The following UMAD1 variants were observed in gnomAD, a reference collection of about 807,000 sequenced individuals.
The protein encoded by UMAD1 is UBAP1-MVB12-associated (UMA)-domain containing protein 1.
In UMAD1, 8 loss-of-function variants were observed where a neutral mutation model predicts 6.1. The ratio of observed to expected loss-of-function variants is 1.30; its 90% confidence interval spans 0.76 to 2.35. UMAD1 has a LOEUF of 2.35. Ranked by LOEUF, UMAD1 falls within the 30% of genes most tolerant of loss-of-function variation. The pLI is 0.00. For missense variants in UMAD1, 130 were observed against 78.4 expected, an observed-to-expected ratio of 1.66 and a Z score of -2.49; for synonymous variants, 56 against 31.4, an observed-to-expected ratio of 1.78 and a Z score of -2.61.
intron 3 of UMAD1, among the ~76,000 whole-genome samples, chr7:7,824,296 A>AT (rs1326439848): frequency 2.0e-5 from 3 of 152,178 alleles, no homozygotes; most frequent in Admixed American, 1.3e-4. Context: ...TTAGCATGGC[A>AT]TCCAGCACCC....
At chr7:7,758,603 C>G (rs1781826905) in intron 2 of UMAD1, among the ~76,000 whole-genome samples, 2 of 152,154 alleles carry the variant, frequency 1.3e-5, no homozygotes, top group African/African-American at 4.8e-5. Context: ...TATACTTTTA[C>G]CATATATGGT....
intron 2 of UMAD1, among the ~76,000 whole-genome samples, chr7:7,710,674 G>A (rs918924499): frequency 6.6e-6 from 1 of 152,140 alleles, no homozygotes; most frequent in Admixed American, 6.5e-5. Flanking sequence ...GTTACTATAC[G>A]ACTCAGCAAT....
intron 2 of UMAD1, among the ~76,000 whole-genome samples, chr7:7,731,977 G>A (rs1352878581): frequency 6.6e-6 from 1 of 151,998 alleles, no homozygotes; most frequent in African/African-American, 2.4e-5. Flanking sequence ...CAGTAAGAGG[G>A]TCCACCTTAG....
chr7:7,790,938 T>A (rs1782556246), intron 2 of UMAD1, among the ~76,000 whole-genome samples: 1 of 152,230 alleles, frequency 6.6e-6, no homozygotes, highest in South Asian at 2.1e-4. Flanking sequence ...CTGTCCAGGC[T>A]GGGGTGCAAT....
chr7:7,816,866 T>A (rs1783138617), intron 3 of UMAD1, among the ~76,000 whole-genome samples: 1 of 152,220 alleles, frequency 6.6e-6, no homozygotes, highest in South Asian at 2.1e-4. Context: ...TAATAGCCCT[T>A]AATGCCCAGT....
Position 7,871,570 on chromosome 7 carries a change from A to G in UMAD1, c.157-5711A>G, listed in dbSNP as rs141123486. Among the ~76,000 whole-genome samples, 898 of 152,348 alleles carry G rather than the reference A, an allele frequency of 5.9e-3. 4 individuals are homozygous for G. The highest frequency in any genetic ancestry group is 0.01 in the Middle Eastern group (3 of 294). ...AAATACATTTAAACAGCTTAGATAC[A>G]GCCTGACACAGTGTTCCGTATATGC... On this transcript the variant is annotated intron_variant, in intron 3 of 3. Coordinates refer to ENST00000682710, the MANE Select transcript of UMAD1 (RefSeq NM_001302348.2).
intron 3 of UMAD1, among the ~76,000 whole-genome samples, chr7:7,864,712 A>G (rs1258500396): frequency 6.6e-6 from 1 of 151,752 alleles, no homozygotes; most frequent in Non-Finnish European, 1.5e-5. Flanking sequence ...AATAAAAACA[A>G]TGTTATCTGA....
rs28916014 is a variant in UMAD1, at chr7:7,667,632, A to G, written c.-63-5677A>G. ...AAGTATGAAGTAAGTGAAGGTCTTC[A>G]TAGATGTTGTGCAGGTAGTAAATGT... On this transcript the variant is annotated intron_variant, in intron 1 of 3. Transcript: ENST00000682710. Among the ~76,000 whole-genome samples the G allele has an allele frequency of 5.6e-4, 86 of 152,320 alleles. 2 individuals carry two copies. In the East Asian group the frequency reaches 0.016, roughly 28 times the overall value.
chr7:7,676,985 A>G (rs980505143), intron 2 of UMAD1, among the ~76,000 whole-genome samples: 2 of 152,286 alleles, frequency 1.3e-5, no homozygotes, highest in South Asian at 2.1e-4. Context: ...GTCTCAGAGC[A>G]TACTGTATAA....
intron 2 of UMAD1, among the ~76,000 whole-genome samples, chr7:7,760,437 A>G (rs1261462401): frequency 1.3e-5 from 2 of 148,554 alleles, no homozygotes; most frequent in Non-Finnish European, 3.0e-5. Context: ...TAATAATAAT[A>G]ATAATAATAA....
At chr7:7,690,393 A>G (rs887898190) in intron 2 of UMAD1, among the ~76,000 whole-genome samples, 1 of 152,144 alleles carries the variant, frequency 6.6e-6, no homozygotes. Flanking sequence ...AACCAAGTAT[A>G]TATTATGTTT....
intron 2 of UMAD1, among the ~76,000 whole-genome samples, chr7:7,755,300 T>C (rs138723701): frequency 3.4e-4 from 52 of 152,344 alleles, no homozygotes; most frequent in Non-Finnish European, 6.0e-4. Flanking sequence ...CACCCCATTT[T>C]TCCTTCCCAA....
At chr7:7,695,384 A>G (rs1189773868) in intron 2 of UMAD1, among the ~76,000 whole-genome samples, 1 of 152,242 alleles carries the variant, frequency 6.6e-6, no homozygotes, top group African/African-American at 2.4e-5. Flanking sequence ...AAGGCTGTAG[A>G]GAGAGAAAAA....
intron 2 of UMAD1, among the ~76,000 whole-genome samples, chr7:7,704,932 A>G (rs1009181188): frequency 3.3e-5 from 5 of 152,158 alleles, no homozygotes; most frequent in African/African-American, 1.2e-4. Context: ...TCTAAACAGT[A>G]TTCATCATCT....
intron 1 of UMAD1, among the ~76,000 whole-genome samples, chr7:7,665,786 A>G (rs1373362576): frequency 1.3e-5 from 2 of 150,884 alleles, no homozygotes; most frequent in Admixed American, 6.6e-5. Flanking sequence ...GGAATCATAT[A>G]GTATGAACTT....
intron 2 of UMAD1, among the ~76,000 whole-genome samples, chr7:7,768,170 G>T (rs919879417): frequency 7.9e-5 from 12 of 151,822 alleles, no homozygotes; most frequent in African/African-American, 2.7e-4. Context: ...CAATACCCTG[G>T]CAGATTTATC....
At chr7:7,679,737 C>G (rs1779859161) in intron 2 of UMAD1, among the ~76,000 whole-genome samples, 2 of 143,736 alleles carry the variant, frequency 1.4e-5, no homozygotes, top group African/African-American at 5.1e-5. Context: ...TATATACACA[C>G]ACACATATTA....
intron 2 of UMAD1, among the ~76,000 whole-genome samples, chr7:7,742,951 A>G (rs1287102626): frequency 2.6e-5 from 4 of 152,224 alleles, no homozygotes; most frequent in African/African-American, 9.7e-5. Flanking sequence ...AGATTTGTAT[A>G]GAAATATTTA....
At chr7:7,812,724 A>T (rs73673839) in intron 3 of UMAD1, among the ~76,000 whole-genome samples, 3,672 of 151,448 alleles carry the variant, frequency 0.024, 155 homozygotes, top group African/African-American at 0.083. Flanking sequence ...CTACTTTTAT[A>T]GCTTTAAAAA....
Sources: gnomAD v4.1 joint callset for allele counts (sites outside exome capture counted in the v4.1 genomes callset) on GRCh38, gnomAD v4.1.1 for gene constraint, MANE v1.5 for transcripts, NCBI Gene and HGNC (gene_info 2026-07-23, HGNC 2026-07-21) for gene names.